RP1: variants seen among roughly 807,000 people sequenced by gnomAD.
RP1 encodes the protein RP1 axonemal microtubule associated.
RP1 carries 16 observed loss-of-function variants against 14.8 expected under a neutral mutation model. That is an observed-to-expected ratio of 1.08 (90% CI 0.73 to 1.65). The LOEUF (loss-of-function observed/expected upper bound fraction) is 1.65. Ranked by LOEUF, RP1 falls within the 40% of genes most tolerant of loss-of-function variation. The pLI is 0.00. For synonymous variants in RP1, 876 were observed against 883.6 expected (o/e 0.99, Z 0.15); for missense variants, 2,631 against 2,535.0 (o/e 1.04, Z -0.81).
In RP1 at chr8:54,626,970, G is replaced by C; in HGVS notation, c.3088G>C (p.Ala1030Pro). Residue 1030 changes from alanine to proline, a missense_variant, in exon 4 of 4, where the codon GCT becomes CCT. Ala to Pro is a conservative substitution (Grantham distance 27). Transcript: ENST00000220676. ...LHEHCTLSQS[A>P]INDHNTKSHI... ...TGAACACTGTACTTTGTCACAGTCA[G>C]CTATTAATGATCATAATACTAAAAG... 5 of 1,613,968 alleles carry C rather than the reference G, an allele frequency of 3.1e-6. No individual in the cohort carries two copies. Among genetic ancestry groups the C allele is most frequent in the Non-Finnish European group, 4.2e-6 (5 of 1,179,980 alleles).
chr8:54,852,548 A>C (rs1168579268), intron 25 of RP1: 1 of 1,220,824 alleles, frequency 8.2e-7, no homozygotes, highest in Non-Finnish European at 1.0e-6. Context: ...AATGAGAAAG[A>C]TAATATCAGA....
intron 1 of RP1, among the ~76,000 whole-genome samples, chr8:54,579,883 C>T (rs1488412066): frequency 6.6e-6 from 1 of 152,220 alleles, no homozygotes; most frequent in Non-Finnish European, 1.5e-5. Context: ...TCACCAACTT[C>T]TCTCCAGGAC....
At chr8:54,571,284 C>CCACAGCA in intron 1 of RP1, among the ~76,000 whole-genome samples, 1 of 152,364 alleles carries the variant, frequency 6.6e-6, no homozygotes, top group East Asian at 1.9e-4. Flanking sequence ...AGCCTCTGTT[C>CCACAGCA]CACAGCACAC....
At chr8:54,861,613 T>C (rs1812344663) in intron 27 of RP1, among the ~76,000 whole-genome samples, 1 of 151,930 alleles carries the variant, frequency 6.6e-6, no homozygotes, top group African/African-American at 2.4e-5. Context: ...TTTCTTTTCT[T>C]TTTTTTTGAG....
chr8:54,823,579 G>A (rs568208660), intron 24 of RP1, among the ~76,000 whole-genome samples: 7 of 152,180 alleles, frequency 4.6e-5, no homozygotes, highest in South Asian at 2.1e-4. Context: ...GTCCACTCAC[G>A]TTGGCCTCCA....
chr8:54,673,727 G>A (rs1807231918), intron 7 of RP1: 2 of 787,180 alleles, frequency 2.5e-6, no homozygotes, highest in Non-Finnish European at 4.0e-6. Context: ...GTGACAGAGG[G>A]AGAGCCTGTC....
Position 54,630,742 on chromosome 8 carries a change from A to G in RP1, c.*389A>G. ...CTGTATTGGTGAATAAATTGAATAG[A>G]CATAACCTCAAAGTACTTCACTTAT... On this transcript the variant is annotated 3_prime_UTR_variant, in exon 4 of 4. Transcript: ENST00000220676. 1.9e-6 allele frequency: 2 copies of G among 1,028,082 alleles called. No individual in the cohort carries two copies. The highest frequency in any genetic ancestry group is 7.2e-5 in the South Asian group (2 of 27,630). 63.7% of individuals were successfully genotyped at this position (1,028,082 alleles called of 1,614,324 possible).
chr8:54,797,873 CTTTTTTTTTTTT>C lies in RP1; in HGVS notation c.3615+14173_3615+14184del, dbSNP rs71254593. 2.7e-5 allele frequency among the ~76,000 whole-genome samples: 3 copies of C among 112,262 alleles called. No individual in the cohort carries two copies. The East Asian group carries it at 7.6e-4, about 29-fold the overall frequency. The allele number at this position is 112,262 out of a possible 152,430, so 73.6% of individuals were successfully genotyped here. On this transcript the variant is annotated intron_variant, in intron 24 of 28. Coordinates refer to the RP1 transcript ENST00000637698. ...AAGTTTCCAAGTGTTGTTTCCCAACCTTTTTTTTTTTTTTTTTTTTTAACCATAAGCCTATGG... is the reference window on the plus strand; with the variant it reads ...AAGTTTCCAAGTGTTGTTTCCCAACCTTTTTTTTTAACCATAAGCCTATGG...
chr8:54,781,253 A>T (rs965064143), intron 23 of RP1, among the ~76,000 whole-genome samples: 1 of 152,172 alleles, frequency 6.6e-6, no homozygotes, highest in Non-Finnish European at 1.5e-5. Context: ...CTTTCAAAAC[A>T]TTGTAAATAT....
At chr8:54,765,064 G>A (rs1563369784) in intron 22 of RP1, among the ~76,000 whole-genome samples, 1 of 152,242 alleles carries the variant, frequency 6.6e-6, no homozygotes, top group Non-Finnish European at 1.5e-5. Context: ...AGAGAGCGGC[G>A]TTTCTGCTGC....
intron 1 of RP1, among the ~76,000 whole-genome samples, chr8:54,608,442 T>C (rs1805512987): frequency 6.6e-6 from 1 of 152,212 alleles, no homozygotes; most frequent in Non-Finnish European, 1.5e-5. Flanking sequence ...TCTAGGCAGT[T>C]ATTTGTGCCT....
chr8:54,647,203 G>A (rs1182668763), intron 3 of RP1, among the ~76,000 whole-genome samples: 2 of 152,046 alleles, frequency 1.3e-5, no homozygotes, highest in Non-Finnish European at 2.9e-5. Context: ...ATCATTTGAA[G>A]TCAGGAGTTT....
Position 54,568,877 on chromosome 8 carries a change from C to T in RP1, c.-13+9557C>T, listed in dbSNP as rs139954815. Among the ~76,000 whole-genome samples the T allele has an allele frequency of 5.9e-5, 9 of 152,318 alleles. No individual in the cohort carries two copies. The East Asian group carries it at 1.7e-3, about 29-fold the overall frequency. On this transcript the variant is annotated intron_variant, in intron 1 of 22. Coordinates refer to the RP1 transcript ENST00000636932. ...ACTGGCATTATAAATGGTTCCACCA[C>T]TTGTTTTTTTGTATGACCAACCAAC... is the stretch of plus-strand genomic sequence containing the variant.
At chr8:54,783,062 T>C (rs1411464180) in intron 23 of RP1, among the ~76,000 whole-genome samples, 2 of 152,172 alleles carry the variant, frequency 1.3e-5, no homozygotes, top group Non-Finnish European at 2.9e-5. Context: ...GAAAGAAAGT[T>C]CTTTTTTGCC....
chr8:54,605,041 A>G (rs1805394062), intron 1 of RP1, among the ~76,000 whole-genome samples: 1 of 151,148 alleles, frequency 6.6e-6, no homozygotes, highest in Non-Finnish European at 1.5e-5. Flanking sequence ...TATTTCCTTC[A>G]GTTCTTCTCT....
chr8:54,649,880 C>T (rs1806621976), intron 4 of RP1, among the ~76,000 whole-genome samples: 1 of 152,102 alleles, frequency 6.6e-6, no homozygotes, highest in Admixed American at 6.6e-5. Context: ...GAGGCTGAAC[C>T]ATTTGGAAAC....
chr8:54,602,305 C>A (rs149302246), intron 1 of RP1, among the ~76,000 whole-genome samples: 2 of 151,966 alleles, frequency 1.3e-5, no homozygotes, highest in South Asian at 2.1e-4. Context: ...TTTGTCCTTG[C>A]GACAGTTTGC....
At chr8:54,797,406 T>C (rs991873904) in intron 24 of RP1, among the ~76,000 whole-genome samples, 2 of 152,130 alleles carry the variant, frequency 1.3e-5, no homozygotes, top group Non-Finnish European at 2.9e-5. Flanking sequence ...TCCAACATAA[T>C]TGGTATATTA....
chr8:54,716,037 G>A (rs1416112802), intron 15 of RP1, among the ~76,000 whole-genome samples: 2 of 152,122 alleles, frequency 1.3e-5, no homozygotes, highest in South Asian at 2.1e-4. Flanking sequence ...TTTTTAATAC[G>A]TTATCTGTTC....
Sources: gnomAD v4.1 joint callset for allele counts (sites outside exome capture counted in the v4.1 genomes callset) on GRCh38, gnomAD v4.1.1 for gene constraint, MANE v1.5 for transcripts, NCBI Gene and HGNC (gene_info 2026-07-23, HGNC 2026-07-21) for gene names.